Variants in PTPRM observed in about 807,000 individuals in gnomAD.
PTPRM encodes protein tyrosine phosphatase receptor type M.
A neutral mutation model predicts 186.7 loss-of-function variants in PTPRM; 47 were observed. The observed-to-expected ratio is 0.25, with a 90% CI of 0.20 to 0.32. PTPRM has a LOEUF of 0.32. PTPRM is among the 10% of genes least tolerant of loss of function. The probability of loss-of-function intolerance (pLI) is 1.00; values close to 1 mark genes in which losing one functional copy is unlikely to be tolerated. For missense variants in PTPRM, 1,494 were observed against 1,865.0 expected (o/e 0.80, Z 3.66); for synonymous variants, 668 against 674.9 (o/e 0.99, Z 0.16).
At chr18:7,903,463 G>A (rs2049808567) in intron 3 of PTPRM, among the ~76,000 whole-genome samples, 1 of 152,154 alleles carries the variant, frequency 6.6e-6, no homozygotes, top group Non-Finnish European at 1.5e-5. Flanking sequence ...GACTGTTATT[G>A]AGGGGACCTG....
intron 9 of PTPRM, among the ~76,000 whole-genome samples, chr18:8,076,876 A>G (rs911382860): frequency 6.6e-6 from 1 of 152,206 alleles, no homozygotes; most frequent in Non-Finnish European, 1.5e-5. Context: ...TGCATTGATT[A>G]TAAGACAAAC....
At chr18:8,051,066 AG>A (rs1248423536) in intron 7 of PTPRM, among the ~76,000 whole-genome samples, 1 of 152,138 alleles carries the variant, frequency 6.6e-6, no homozygotes, top group Non-Finnish European at 1.5e-5. Context: ...GTTTTGAAAG[AG>A]GGGGCTTTGT....
rs183596562 is a variant in PTPRM, at chr18:7,789,631, A to G, written c.196+15360A>G. 2.6e-5 allele frequency among the ~76,000 whole-genome samples: 4 copies of G among 152,250 alleles called. No homozygotes were observed. The East Asian group carries it at 5.8e-4, about 22-fold the overall frequency. Reference sequence around the variant, plus strand: ...AGCAGGCTGAAAACGCTAAGATTTGATAGATGTAATCAAGACAGCCAGAAG... The same window carrying G: ...AGCAGGCTGAAAACGCTAAGATTTGGTAGATGTAATCAAGACAGCCAGAAG... On this transcript the variant is annotated intron_variant, in intron 2 of 32. Coordinates refer to ENST00000580170, the MANE Select transcript of PTPRM (RefSeq NM_001105244.2).
intron 1 of PTPRM, among the ~76,000 whole-genome samples, chr18:7,696,978 A>G (rs1159820568): frequency 1.3e-5 from 2 of 152,208 alleles, no homozygotes; most frequent in Non-Finnish European, 2.9e-5. Flanking sequence ...CAAACAAGAA[A>G]TTGTAGCAGC....
intron 1 of PTPRM, among the ~76,000 whole-genome samples, chr18:7,676,551 TCAGA>T (rs961941776): frequency 1.3e-5 from 2 of 152,084 alleles, no homozygotes; most frequent in Non-Finnish European, 1.5e-5. Flanking sequence ...ATTTTATGTC[TCAGA>T]CAGTTTGTCA....
chr18:7,952,981 CGGTGACAGAGCAAGATT>C (rs2053074253), intron 6 of PTPRM, among the ~76,000 whole-genome samples: 1 of 152,016 alleles, frequency 6.6e-6, no homozygotes, highest in African/African-American at 2.4e-5. Context: ...ACTGCAGCCT[CGGTGACAGAGCAAGATT>C]CTGTCTAAAA....
At chr18:8,303,442 G>A (rs542971428) in intron 20 of PTPRM, among the ~76,000 whole-genome samples, 140 of 152,290 alleles carry the variant, frequency 9.2e-4, no homozygotes, top group African/African-American at 3.0e-3. Flanking sequence ...ATAGCAGTGT[G>A]CTTCTCTCTG....
intron 13 of PTPRM, among the ~76,000 whole-genome samples, chr18:8,131,226 T>G (rs892009698): frequency 2.6e-5 from 4 of 152,224 alleles, no homozygotes; most frequent in African/African-American, 9.6e-5. Flanking sequence ...GTGGATGCTG[T>G]GGTCTCCAGG....
intron 14 of PTPRM, among the ~76,000 whole-genome samples, chr18:8,207,377 C>T (rs1202404216): frequency 6.6e-6 from 1 of 152,062 alleles, no homozygotes; most frequent in African/African-American, 2.4e-5. Context: ...TTTTCCAATG[C>T]AGTGATTTAT....
intron 14 of PTPRM, among the ~76,000 whole-genome samples, chr18:8,208,552 C>T (rs1568524633): frequency 6.6e-6 from 1 of 151,690 alleles, no homozygotes; most frequent in African/African-American, 2.4e-5. Flanking sequence ...CACTCTGTCA[C>T]CTAGGCTTAA....
At chr18:7,976,822 A>G (rs1291008928) in intron 7 of PTPRM, among the ~76,000 whole-genome samples, 1 of 152,174 alleles carries the variant, frequency 6.6e-6, no homozygotes, top group Non-Finnish European at 1.5e-5. Context: ...TCAAATGACT[A>G]CTGAGAAATT....
chr18:7,831,297 TA>T (rs745589261), intron 2 of PTPRM, among the ~76,000 whole-genome samples: 1 of 152,154 alleles, frequency 6.6e-6, no homozygotes, highest in Non-Finnish European at 1.5e-5. Flanking sequence ...CTTACATCAA[TA>T]AAAAATATAT....
intron 14 of PTPRM, among the ~76,000 whole-genome samples, chr18:8,241,270 G>A (rs138847234): frequency 0.16 from 24,314 of 152,068 alleles, 2,160 homozygotes; most frequent in African/African-American, 0.24. Flanking sequence ...CCTGGGTGGC[G>A]GAGGTTGCAG....
At chr18:8,198,552 G>A (rs1484732864) in intron 14 of PTPRM, among the ~76,000 whole-genome samples, 2 of 152,080 alleles carry the variant, frequency 1.3e-5, no homozygotes, top group African/African-American at 2.4e-5. Flanking sequence ...AAATCAGATG[G>A]GATCATCATC....
chr18:8,319,040 C>A, intron 21 of PTPRM, 138 bp from the exon 22 acceptor site: 1 of 634,580 alleles, frequency 1.6e-6, no homozygotes, highest in Non-Finnish European at 2.8e-6. Flanking sequence ...CTCAGTGGTG[C>A]TGGGTTGGCC....
intron 3 of PTPRM, among the ~76,000 whole-genome samples, chr18:7,902,329 A>G (rs1030859433): frequency 6.6e-6 from 1 of 152,306 alleles, no homozygotes; most frequent in South Asian, 2.1e-4. Flanking sequence ...CTTGCTGACA[A>G]GTCATCTTGC....
chr18:8,339,196 C>T (rs1057170640), intron 22 of PTPRM, among the ~76,000 whole-genome samples: 4 of 151,638 alleles, frequency 2.6e-5, no homozygotes, highest in East Asian at 1.9e-4. Flanking sequence ...AAAAACGTTC[C>T]GCCCCCTTTT....
intron 14 of PTPRM, among the ~76,000 whole-genome samples, chr18:8,194,746 C>T (rs1252073622): frequency 1.3e-5 from 2 of 152,202 alleles, no homozygotes; most frequent in Admixed American, 6.5e-5. Flanking sequence ...TTCTTAATGA[C>T]ATTTTGTGCT....
chr18:8,117,784 G>C (rs1241962088), intron 13 of PTPRM, among the ~76,000 whole-genome samples: 1 of 152,166 alleles, frequency 6.6e-6, no homozygotes, highest in African/African-American at 2.4e-5. Context: ...CAGGGTATAC[G>C]TGATGTTTAT....
Sources: gnomAD v4.1 joint callset for allele counts (sites outside exome capture counted in the v4.1 genomes callset) on GRCh38, gnomAD v4.1.1 for gene constraint, MANE v1.5 for transcripts, NCBI Gene and HGNC (gene_info 2026-07-23, HGNC 2026-07-21) for gene names.